The following MAST4 variants were observed in gnomAD, a reference collection of about 807,000 sequenced individuals.
The protein encoded by MAST4 is microtubule-associated serine/threonine-protein kinase 4.
Under a neutral mutation model 162.7 loss-of-function variants are expected in MAST4, and 89 were observed. The ratio of observed to expected loss-of-function variants is 0.55; its 90% confidence interval spans 0.46 to 0.65. The LOEUF is 0.65. Ranked by LOEUF, MAST4 falls within the 30% of genes least tolerant of loss-of-function variation. The probability of loss-of-function intolerance (pLI) is 0.00; values close to 1 mark genes in which losing one functional copy is unlikely to be tolerated. For synonymous variants in MAST4, 1,479 were observed against 1,361.1 expected, an observed-to-expected ratio of 1.09 and a Z score of -1.91; for missense variants, 3,153 against 3,374.0, an observed-to-expected ratio of 0.93 and a Z score of 1.62.
At chr5:66,802,223 A>C (rs1382222763) in intron 3 of MAST4, among the ~76,000 whole-genome samples, 1 of 152,164 alleles carries the variant, frequency 6.6e-6, no homozygotes, top group African/African-American at 2.4e-5. Context: ...TATTCTTTCA[A>C]ATATCATTTT....
chr5:66,703,109 G>A (rs1749886801), intron 1 of MAST4, among the ~76,000 whole-genome samples: 1 of 152,168 alleles, frequency 6.6e-6, no homozygotes. Context: ...AGCACTGCTA[G>A]TGCATTCTCC....
In MAST4 at chr5:66,664,161, T is replaced by C. The variant is rs560109250; in HGVS notation, c.363+67143T>C. 1.3e-4 allele frequency among the ~76,000 whole-genome samples: 19 copies of C among 151,930 alleles called. No homozygotes were observed. The South Asian group carries it at 4.0e-3, about 32-fold the overall frequency. On this transcript the variant is annotated intron_variant, in intron 1 of 28. Transcript: ENST00000403625. The stretch of plus-strand genomic sequence containing the variant: ...TGAAAATCAGGAGTTTGAGGCTGGG[T>C]GTGGTGGCTCACGCCTGTAATCCCA...
intron 3 of MAST4, among the ~76,000 whole-genome samples, chr5:66,843,598 A>C (rs1758581908): frequency 6.6e-6 from 1 of 152,172 alleles, no homozygotes; most frequent in South Asian, 2.1e-4. Context: ...AGTTTGGAAG[A>C]AGGAACATAG....
intron 1 of MAST4, among the ~76,000 whole-genome samples, chr5:66,623,886 T>C (rs1744235733): frequency 6.6e-6 from 1 of 152,188 alleles, no homozygotes; most frequent in South Asian, 2.1e-4. Context: ...ACAAAAACTG[T>C]TAGAACTGAT....
chr5:67,011,360 T>C (rs776624183), intron 4 of MAST4, among the ~76,000 whole-genome samples: 1 of 152,194 alleles, frequency 6.6e-6, no homozygotes, highest in Non-Finnish European at 1.5e-5. Context: ...TCCCACTCCT[T>C]GCTTTGCCCA....
At chr5:66,810,093 T>TTTAA (rs1033684931) in intron 3 of MAST4, among the ~76,000 whole-genome samples, 2 of 152,198 alleles carry the variant, frequency 1.3e-5, no homozygotes, top group Admixed American at 1.3e-4. Context: ...TCTCAACAGT[T>TTTAA]TTAAAGCCTG....
intron 1 of MAST4, among the ~76,000 whole-genome samples, chr5:66,645,120 T>C (rs1217552439): frequency 6.6e-6 from 1 of 152,094 alleles, no homozygotes; most frequent in African/African-American, 2.4e-5. Flanking sequence ...CACTGGGTCT[T>C]TAATCCACAT....
intron 3 of MAST4, among the ~76,000 whole-genome samples, chr5:66,868,620 A>G (rs569220770): frequency 1.3e-4 from 20 of 151,962 alleles, no homozygotes; most frequent in African/African-American, 4.6e-4. Context: ...TTTTCACTCC[A>G]TATGCAATTT....
Position 67,116,811 on chromosome 5 carries a change from A to G in MAST4, c.1592-1871A>G, listed in dbSNP as rs895757075. Among the ~76,000 whole-genome samples the G allele has an allele frequency of 5.9e-5, 9 of 152,210 alleles. No individual in the cohort carries two copies. The East Asian group carries it at 1.8e-3, about 30-fold the overall frequency. On this transcript the variant is annotated intron_variant, in intron 12 of 28. Transcript: ENST00000403625. Reference sequence around the variant, plus strand: ...AGTCTGAGCGACAGAACAAGACTCCATCTCAAGAAATAAAAAATAAATGAT... The same window carrying G: ...AGTCTGAGCGACAGAACAAGACTCCGTCTCAAGAAATAAAAAATAAATGAT...
intron 15 of MAST4, among the ~76,000 whole-genome samples, chr5:67,131,442 T>C (rs991999171): frequency 6.6e-6 from 1 of 152,136 alleles, no homozygotes; most frequent in African/African-American, 2.4e-5. Flanking sequence ...GCCTAGGATG[T>C]CTCAGCTGGT....
At chr5:66,780,069 G>A (rs1166867565) in intron 2 of MAST4, among the ~76,000 whole-genome samples, 2 of 151,958 alleles carry the variant, frequency 1.3e-5, no homozygotes, top group Non-Finnish European at 2.9e-5. Flanking sequence ...TAAACATTGT[G>A]GTAAAAAATA....
chr5:66,970,503 G>C (rs1464306577), intron 4 of MAST4, among the ~76,000 whole-genome samples: 1 of 152,180 alleles, frequency 6.6e-6, no homozygotes, highest in Non-Finnish European at 1.5e-5. Flanking sequence ...TGGCACAGCT[G>C]AGTCTCTGCA....
chr5:66,784,915 G>A (rs895455508), intron 2 of MAST4, among the ~76,000 whole-genome samples: 13 of 152,172 alleles, frequency 8.5e-5, no homozygotes, highest in South Asian at 8.3e-4. Flanking sequence ...GCATGTGACT[G>A]TAAAAACTGG....
At chr5:66,728,181 C>T (rs1751636548) in intron 1 of MAST4, among the ~76,000 whole-genome samples, 1 of 152,134 alleles carries the variant, frequency 6.6e-6, no homozygotes, top group Non-Finnish European at 1.5e-5. Flanking sequence ...GGACATTGGC[C>T]TACTTTGCTC....
At chr5:66,903,331 TACTC>T (rs1400220224) in intron 4 of MAST4, among the ~76,000 whole-genome samples, 2 of 152,154 alleles carry the variant, frequency 1.3e-5, no homozygotes, top group South Asian at 4.1e-4. Context: ...TTATGTAAAA[TACTC>T]AGTGATTGTT....
chr5:67,136,675 A>T lies in MAST4; in HGVS notation c.2494+11A>T. On this transcript the variant is annotated intron_variant, in intron 19 of 28. Coordinates refer to ENST00000403625, the MANE Select transcript of MAST4 (RefSeq NM_001164664.2). ...AGAGGCTGGGAACAGGTTAGAGCCC[A>T]TGTGTTTTAATTTTGCTAATATGCA... The T allele has an allele frequency of 6.4e-7, 1 of 1,571,494 alleles. No individual in the cohort carries two copies. The highest frequency in any genetic ancestry group is 8.7e-7 in the Non-Finnish European group (1 of 1,154,656).
At position 66,876,976 on chromosome 5, in the gene MAST4, C is replaced by T. The variant is rs548008078; in HGVS notation, c.643-22975C>T. Among the ~76,000 whole-genome samples the T allele has an allele frequency of 3.3e-5, 5 of 152,302 alleles. No homozygotes were observed. In the South Asian group the frequency reaches 1.0e-3, roughly 32 times the overall value. On this transcript the variant is annotated intron_variant, in intron 3 of 28. Transcript: ENST00000403625. ...GCAGTATCATACTTTTAATGTCAAT[C>T]AATTAAAAGTACACACCACATAATG... is the stretch of plus-strand genomic sequence containing the variant.
intron 1 of MAST4, among the ~76,000 whole-genome samples, chr5:66,619,916 G>A (rs539733539): frequency 1.1e-3 from 160 of 151,006 alleles, no homozygotes; most frequent in South Asian, 2.5e-3. Context: ...TTTATATATT[G>A]TAAATATATA....
chr5:66,865,270 C>T (rs1303523107), intron 3 of MAST4, among the ~76,000 whole-genome samples: 2 of 152,178 alleles, frequency 1.3e-5, no homozygotes, highest in Non-Finnish European at 2.9e-5. Flanking sequence ...GCTATGGTGA[C>T]CATCACACTC....
Sources: gnomAD v4.1 joint callset for allele counts (sites outside exome capture counted in the v4.1 genomes callset) on GRCh38, gnomAD v4.1.1 for gene constraint, MANE v1.5 for transcripts, NCBI Gene and HGNC (gene_info 2026-07-23, HGNC 2026-07-21) for gene names.